Variants in KANSL1L observed in about 807,000 individuals in gnomAD.
KANSL1L encodes KAT8 regulatory NSL complex subunit 1 like.
Under a neutral mutation model 108.6 loss-of-function variants are expected in KANSL1L, and 25 were observed. The ratio of observed to expected loss-of-function variants is 0.23; its 90% confidence interval spans 0.17 to 0.32. The LOEUF (loss-of-function observed/expected upper bound fraction) is 0.32, where lower values mean the gene tolerates loss of function less well. KANSL1L is among the 10% of genes least tolerant of loss of function. KANSL1L has a pLI of 1.00. For synonymous variants in KANSL1L, 405 were observed against 395.1 expected, an observed-to-expected ratio of 1.03 and a Z score of -0.30; for missense variants, 1,137 against 1,125.7, an observed-to-expected ratio of 1.01 and a Z score of -0.14.
At position 210,153,836 on chromosome 2, in the gene KANSL1L, C is replaced by T. The variant is rs778074772; in HGVS notation, c.747G>A (p.Leu249=). 5.6e-6 allele frequency: 9 copies of T among 1,612,636 alleles called. No individual in the cohort carries two copies. Among genetic ancestry groups the T allele is most frequent in the Non-Finnish European group, 7.6e-6 (9 of 1,179,638 alleles). Residue 249 remains leucine (L), a synonymous_variant, in exon 2 of 15, where the codon CTG becomes CTA. Transcript: ENST00000281772. ...CATAGTGCTTAACAACATGCTTTGC[C>T]AGGAGCATCTGCAAATGTTTCTGAG... is the stretch of plus-strand genomic sequence containing the variant. The part of the protein sequence containing the change: ...RRTQKHLQML[L]AKHVVKHYGQ...
At chr2:210,159,303 A>T (rs2095349607) in intron 1 of KANSL1L, among the ~76,000 whole-genome samples, 1 of 152,222 alleles carries the variant, frequency 6.6e-6, no homozygotes, top group African/African-American at 2.4e-5. Flanking sequence ...ACAATTTTTT[A>T]CAAATAAGAT....
chr2:210,056,505 G>A (rs1222270432), intron 6 of KANSL1L, among the ~76,000 whole-genome samples: 2 of 152,090 alleles, frequency 1.3e-5, no homozygotes, highest in Non-Finnish European at 2.9e-5. Context: ...TTTTGAGACA[G>A]AGTCTCGCTC....
At chr2:210,158,293 A>G (rs1460446527) in intron 1 of KANSL1L, among the ~76,000 whole-genome samples, 1 of 152,128 alleles carries the variant, frequency 6.6e-6, no homozygotes, top group African/African-American at 2.4e-5. Flanking sequence ...TGAGCTAGAA[A>G]GACCCACATG....
At chr2:210,023,955 A>AT (rs1471835289) in intron 14 of KANSL1L, 78 bp downstream of exon 14, 5 of 1,001,540 alleles carry the variant, frequency 5.0e-6, no homozygotes, top group South Asian at 2.1e-5. Context: ...AATAAACTTA[A>AT]TTTTTTTCAA....
intron 12 of KANSL1L, among the ~76,000 whole-genome samples, chr2:210,026,817 C>T (rs1000020421): frequency 6.6e-6 from 1 of 152,114 alleles, no homozygotes; most frequent in Admixed American, 6.5e-5. Flanking sequence ...GTTGCCCAGG[C>T]TGGAGTGCAG....
At chr2:210,104,061 GAA>G (rs751956831) in intron 4 of KANSL1L, 41 bp downstream of exon 4, 3 of 1,469,972 alleles carry the variant, frequency 2.0e-6, no homozygotes, top group Non-Finnish European at 2.9e-6. Context: ...CAAAATCAAT[GAA>G]AAGTCATTTC....
intron 3 of KANSL1L, among the ~76,000 whole-genome samples, chr2:210,114,067 C>T (rs2094932401): frequency 6.6e-6 from 1 of 151,954 alleles, no homozygotes; most frequent in Non-Finnish European, 1.5e-5. Context: ...GACATGATTA[C>T]AAATATCAAA....
At chr2:210,069,474 T>C (rs2094490914) in intron 6 of KANSL1L, among the ~76,000 whole-genome samples, 1 of 152,188 alleles carries the variant, frequency 6.6e-6, no homozygotes, top group South Asian at 2.1e-4. Context: ...CACCATTAAG[T>C]ATTTGTTACA....
chr2:210,070,378 C>T (rs1254339986), intron 6 of KANSL1L, among the ~76,000 whole-genome samples: 2 of 151,598 alleles, frequency 1.3e-5, no homozygotes, highest in East Asian at 1.9e-4. Flanking sequence ...TACAGGCGCC[C>T]GCCACAACGC....
At chr2:210,031,632 G>T in intron 8 of KANSL1L, 86 bp from the exon 9 acceptor site, 1 of 794,980 alleles carries the variant, frequency 1.3e-6, no homozygotes, top group Non-Finnish European at 1.9e-6. Context: ...TGTAACTGCA[G>T]AATTTTAAGA....
chr2:210,141,994 CTTT>C (rs1052791722), intron 2 of KANSL1L, among the ~76,000 whole-genome samples: 3 of 139,568 alleles, frequency 2.1e-5, no homozygotes, highest in Non-Finnish European at 3.1e-5. Flanking sequence ...GGCCTATAAT[CTTT>C]TTTTTTTTTT....
At chr2:210,026,537 G>A (rs116372337) in intron 12 of KANSL1L, 9 of 152,016 alleles carry the variant, frequency 5.9e-5, no homozygotes, top group African/African-American at 1.9e-4. Flanking sequence ...TTACTTTTAC[G>A]CCCGAGACTC....
At chr2:210,165,042 T>C (rs1469735993) in intron 1 of KANSL1L, among the ~76,000 whole-genome samples, 1 of 151,658 alleles carries the variant, frequency 6.6e-6, no homozygotes, top group African/African-American at 2.4e-5. Flanking sequence ...ATTTTTTGTA[T>C]CTTTAGTAGA....
chr2:210,022,849 A>G lies in KANSL1L; in HGVS notation c.*100T>C. On this transcript the variant is annotated 3_prime_UTR_variant, in exon 15 of 15. Transcript: ENST00000281772. ...AACAGCATAAAAGATTAATACATGCAGAACATGCTCTTATTCTGGAGGGGA... is the reference window on the plus strand; with the variant it reads ...AACAGCATAAAAGATTAATACATGCGGAACATGCTCTTATTCTGGAGGGGA... 1.3e-6 allele frequency: 1 copy of G among 785,332 alleles called. No individual in the cohort carries two copies. The highest frequency in any genetic ancestry group is 2.1e-6 in the Non-Finnish European group (1 of 477,486). The allele number at this position is 785,332 out of a possible 1,614,324, so 48.6% of individuals were successfully genotyped here.
In KANSL1L at chr2:210,035,466, T is replaced by C. The variant is rs554515050; in HGVS notation, c.2030-3920A>G. ...CTTACCCTACAGGAATGCCAAGTTA[T>C]TTGTAGATATTTGTTGTTGTTTGTT... On this transcript the variant is annotated intron_variant, in intron 8 of 14. Transcript: ENST00000281772. Among the ~76,000 whole-genome samples the C allele has an allele frequency of 2.6e-5, 4 of 152,290 alleles. No homozygotes were observed. The East Asian group carries it at 5.8e-4, about 22-fold the overall frequency.
Position 210,033,780 on chromosome 2 carries a change from C to T in KANSL1L, c.2030-2234G>A, listed in dbSNP as rs1045749167. ...GTCTCGATCTCCTCACCTCGTGATCCGCCCGCCTCAGCCTCCCAAAGTGCT... is the reference window on the plus strand; with the variant it reads ...GTCTCGATCTCCTCACCTCGTGATCTGCCCGCCTCAGCCTCCCAAAGTGCT... On this transcript the variant is annotated intron_variant, in intron 8 of 14. Coordinates refer to ENST00000281772, the MANE Select transcript of KANSL1L (RefSeq NM_152519.4). 4.6e-5 allele frequency among the ~76,000 whole-genome samples: 7 copies of T among 151,286 alleles called. No individual in the cohort carries two copies. In the South Asian group the frequency reaches 6.2e-4, roughly 13 times the overall value.
intron 2 of KANSL1L, 70 bp from the exon 3 acceptor site, chr2:210,129,242 C>A: frequency 7.4e-7 from 1 of 1,353,016 alleles, no homozygotes; most frequent in Non-Finnish European, 1.0e-6. Flanking sequence ...TGCTTAATAA[C>A]TTCCTTAACT....
chr2:210,147,093 G>A (rs1315311503), intron 2 of KANSL1L, among the ~76,000 whole-genome samples: 1 of 152,004 alleles, frequency 6.6e-6, no homozygotes, highest in African/African-American at 2.4e-5. Context: ...TCAAAAAAAA[G>A]CCTTTTTAAA....
chr2:210,102,966 G>C (rs998586328), intron 4 of KANSL1L, among the ~76,000 whole-genome samples: 1 of 151,958 alleles, frequency 6.6e-6, no homozygotes, highest in African/African-American at 2.4e-5. Context: ...CCCATTACTG[G>C]GTATATACCC....
Sources: gnomAD v4.1 joint callset for allele counts (sites outside exome capture counted in the v4.1 genomes callset) on GRCh38, gnomAD v4.1.1 for gene constraint, MANE v1.5 for transcripts, NCBI Gene and HGNC (gene_info 2026-07-23, HGNC 2026-07-21) for gene names.